KDM4B: variants seen among roughly 807,000 people sequenced by gnomAD.
KDM4B encodes lysine demethylase 4B.
KDM4B carries 32 observed loss-of-function variants against 125.2 expected under a neutral mutation model. The ratio of observed to expected loss-of-function variants is 0.26; its 90% CI spans 0.19 to 0.34. KDM4B has a LOEUF of 0.34. Among genes scored for constraint, KDM4B ranks in the 10% least tolerant of loss-of-function variants. The pLI, the probability that KDM4B is intolerant of heterozygous loss-of-function variation, is 1.00. For missense variants in KDM4B, 1,190 were observed against 1,577.7 expected (o/e 0.75, Z 4.16); for synonymous variants, 721 against 677.9 (o/e 1.06, Z -0.99).
chr19:5,036,949 C>A (rs951909790), intron 3 of KDM4B, among the ~76,000 whole-genome samples: 18 of 152,208 alleles, frequency 1.2e-4, no homozygotes, highest in Admixed American at 1.2e-3. Flanking sequence ...AGTGTGGCTC[C>A]GTGTGTGCGG....
chr19:5,012,537 C>T (rs1286385666), intron 1 of KDM4B, among the ~76,000 whole-genome samples: 2 of 152,212 alleles, frequency 1.3e-5, no homozygotes, highest in African/African-American at 4.8e-5. Flanking sequence ...TGGCCCTCTC[C>T]TCAGGCTCCT....
rs79846376 is a variant in KDM4B, at chr19:4,992,407, A to G, written c.-109+23177A>G. Among the ~76,000 whole-genome samples, 927 of 151,774 alleles carry G rather than the reference A, an allele frequency of 6.1e-3. 8 individuals carry two copies. The highest frequency in any genetic ancestry group is 0.022 in the African/African-American group (891 of 41,396). On this transcript the variant is annotated intron_variant, in intron 1 of 22. Coordinates refer to ENST00000159111, the MANE Select transcript of KDM4B (RefSeq NM_015015.3). ...CCTCTTTTTAAAAACTGTATAGGCA[A>G]TTATAAATTTCCCTCTAAGTACTGC...
chr19:4,999,882 C>T (rs2035319827), intron 1 of KDM4B, among the ~76,000 whole-genome samples: 1 of 144,752 alleles, frequency 6.9e-6, no homozygotes, highest in Non-Finnish European at 1.5e-5. Flanking sequence ...CCCACGCATC[C>T]ACCCATTTAC....
At chr19:5,003,877 A>G (rs1035356963) in intron 1 of KDM4B, among the ~76,000 whole-genome samples, 5 of 152,042 alleles carry the variant, frequency 3.3e-5, no homozygotes, top group Non-Finnish European at 7.4e-5. Context: ...GTCTCCGTAT[A>G]TGCCTGAGTC....
intron 1 of KDM4B, among the ~76,000 whole-genome samples, chr19:4,981,018 C>T (rs2145322452): frequency 6.6e-6 from 1 of 152,246 alleles, no homozygotes; most frequent in East Asian, 1.9e-4. Flanking sequence ...CCCGGCGGGC[C>T]TGCAGGGGTG....
chr19:5,005,580 G>T (rs1347680718), intron 1 of KDM4B, among the ~76,000 whole-genome samples: 2 of 152,162 alleles, frequency 1.3e-5, no homozygotes, highest in East Asian at 1.9e-4. Context: ...ATGGTGGGTG[G>T]TGGGGGTTCA....
Position 5,110,749 on chromosome 19 carries a change from C to T in KDM4B, c.1046C>T (p.Ala349Val), listed in dbSNP as rs771538146. ...LTVLDHTRPT[A>V]LTSPELSSWS... ...GTGCTGGACCACACGCGGCCCACGG[C>T]GCTCACCAGCCCCGAGCTGAGCTCC... The change falls in exon 10 of 23, where the codon GCG becomes GTG. Residue 349 changes from alanine to valine, a missense_variant. By Grantham distance (64) the Ala-to-Val change is moderately conservative. Transcript: ENST00000159111. The T allele has an allele frequency of 7.4e-6, 12 of 1,611,122 alleles. No homozygotes were observed. The highest frequency in any genetic ancestry group is 4.0e-5 in the African/African-American group (3 of 75,014).
Position 4,997,654 on chromosome 19 carries a change from T to C in KDM4B, c.-108-18603T>C, listed in dbSNP as rs1174047741. On this transcript the variant is annotated intron_variant, in intron 1 of 22. Coordinates refer to ENST00000159111, the MANE Select transcript of KDM4B (RefSeq NM_015015.3). The surrounding 1 kb of genome is among the most constrained non-coding windows in gnomAD (Gnocchi z 4.2). The stretch of plus-strand genomic sequence containing the variant: ...CTCCGGTTGGTGGGCTGGTCAGCCA[T>C]GCCAGGCACTCAGAGTCATCCCTGC... 6.6e-6 allele frequency among the ~76,000 whole-genome samples: 1 copy of C among 152,146 alleles called. No individual in the cohort carries two copies. The highest frequency in any genetic ancestry group is 1.5e-5 in the Non-Finnish European group (1 of 68,020).
rs1211865962 is a variant in KDM4B, at chr19:5,077,195, G to A, written c.677-172G>A. ...GGCTCCTGCGCATCTCCTTCCCCCCGACCTGCAGGCACTGGGGCCCTGAGA... is the reference window on the plus strand; with the variant it reads ...GGCTCCTGCGCATCTCCTTCCCCCCAACCTGCAGGCACTGGGGCCCTGAGA... On this transcript the variant is annotated intron_variant, in intron 7 of 22. Coordinates refer to ENST00000159111, the MANE Select transcript of KDM4B (RefSeq NM_015015.3). 1.2e-5 allele frequency: 8 copies of A among 645,476 alleles called. No homozygotes were observed. In the East Asian group the frequency reaches 1.3e-4, roughly 10 times the overall value. The allele number at this position is 645,476 out of a possible 1,614,324, so 40.0% of individuals were successfully genotyped here.
At chr19:5,117,466 A>G (rs1376866888) in intron 10 of KDM4B, among the ~76,000 whole-genome samples, 3 of 152,094 alleles carry the variant, frequency 2.0e-5, no homozygotes, top group African/African-American at 4.8e-5. Context: ...TCCCGGCCCT[A>G]CAGCCCTGGG....
chr19:5,006,134 G>T (rs1006263205), intron 1 of KDM4B, among the ~76,000 whole-genome samples: 1 of 151,996 alleles, frequency 6.6e-6, no homozygotes, highest in Non-Finnish European at 1.5e-5. Flanking sequence ...TGCTGGTCCC[G>T]CCTCCCTTCC....
intron 13 of KDM4B, among the ~76,000 whole-genome samples, chr19:5,133,511 C>A (rs931381611): frequency 2.0e-5 from 3 of 152,212 alleles, no homozygotes; most frequent in Admixed American, 1.3e-4. Context: ...CAGGGCTGGG[C>A]ACTGAGTTTG....
chr19:5,044,383 G>T (rs2036956402), intron 5 of KDM4B, among the ~76,000 whole-genome samples: 1 of 136,918 alleles, frequency 7.3e-6, no homozygotes. Context: ...ATCCCGCGTG[G>T]TGTTTATCGG....
intron 10 of KDM4B, chr19:5,119,351 C>T (rs1282819413): frequency 1.5e-6 from 1 of 685,540 alleles, no homozygotes. Flanking sequence ...GCCCGTCATC[C>T]CACCTGGTGT....
At chr19:5,043,703 G>A (rs1226406012) in intron 5 of KDM4B, among the ~76,000 whole-genome samples, 16 of 147,438 alleles carry the variant, frequency 1.1e-4, no homozygotes, top group African/African-American at 3.6e-4. Context: ...GTTTATCGGA[G>A]TGCAGTGTCC....
intron 6 of KDM4B, among the ~76,000 whole-genome samples, chr19:5,055,233 C>A (rs1599517132): frequency 6.6e-6 from 1 of 152,228 alleles, no homozygotes; most frequent in African/African-American, 2.4e-5. Context: ...GACCGGGAAA[C>A]CCGGGGCACA....
At position 5,129,376 on chromosome 19, in the gene KDM4B, A is replaced by T. The variant is rs1333287284; in HGVS notation, c.1316-1700A>T. ...GTCACCCTCGGCCCTTGGGAGCCTC[A>T]TTGCTGAGGGTCTCAGCGCTTACCA... On this transcript the variant is annotated intron_variant, in intron 11 of 22. Transcript: ENST00000159111. Among the ~76,000 whole-genome samples, 2 of 152,078 alleles carry T rather than the reference A, an allele frequency of 1.3e-5. 1 individual carries two copies. Among genetic ancestry groups the T allele is most frequent in the Admixed American group, 1.3e-4 (2 of 15,278 alleles).
At chr19:5,111,776 CCAGGCCTCCTGTG>C (rs1414797331) in intron 10 of KDM4B, 5 of 765,086 alleles carry the variant, frequency 6.5e-6, no homozygotes, top group African/African-American at 5.1e-5. Flanking sequence ...ACTTTGCAGG[CCAGGCCTCCTGTG>C]TCTCGACGTC....
At chr19:5,067,244 A>G (rs1303910515) in intron 6 of KDM4B, among the ~76,000 whole-genome samples, 1 of 151,992 alleles carries the variant, frequency 6.6e-6, no homozygotes, top group Non-Finnish European at 1.5e-5. Context: ...CACCCCCTTA[A>G]CATTTCTGAC....
Sources: allele counts gnomAD v4.1 joint callset (sites outside exome capture counted in the v4.1 genomes callset), GRCh38; gene constraint gnomAD v4.1.1; non-coding constraint Gnocchi (gnomAD v3.1); transcripts MANE v1.5; gene names NCBI Gene and HGNC (gene_info 2026-07-23, HGNC 2026-07-21).